The following PRORP variants were observed in gnomAD, a reference collection of about 807,000 sequenced individuals.
PRORP encodes protein only RNase P catalytic subunit.
Under a neutral mutation model 59.4 loss-of-function variants are expected in PRORP, and 51 were observed. The observed-to-expected ratio is 0.86, with a 90% CI of 0.69 to 1.08. The LOEUF (loss-of-function observed/expected upper bound fraction) is 1.08. Ranked by LOEUF, PRORP falls within the 50% of genes least tolerant of loss-of-function variation. The pLI, the probability that PRORP is intolerant of heterozygous loss-of-function variation, is 0.00. For missense variants in PRORP, 646 were observed against 690.3 expected, an observed-to-expected ratio of 0.94 and a Z score of 0.72; for synonymous variants, 231 against 245.6, an observed-to-expected ratio of 0.94 and a Z score of 0.55.
At chr14:35,206,991 A>G (rs1390654693) in intron 5 of PRORP, among the ~76,000 whole-genome samples, 1 of 152,198 alleles carries the variant, frequency 6.6e-6, no homozygotes, top group African/African-American at 2.4e-5. Context: ...TATTACATTC[A>G]GGGTTGTGAT....
chr14:35,127,630 A>G lies in PRORP; in HGVS notation c.1167+19A>G. 2 of 1,613,350 alleles carry G rather than the reference A, an allele frequency of 1.2e-6. No individual in the cohort carries two copies. The highest frequency in any genetic ancestry group is 1.7e-6 in the Non-Finnish European group (2 of 1,179,714). On this transcript the variant is annotated intron_variant, in intron 4 of 7. Coordinates refer to ENST00000534898, the MANE Select transcript of PRORP (RefSeq NM_014672.4). The stretch of plus-strand genomic sequence containing the variant: ...ACCTCAGGTGAGTCTAACAAGTTTT[A>G]TTTCTTCTTGGATTGCTTGTCTAGA...
At chr14:35,146,577 A>T (rs2047616422) in intron 4 of PRORP, among the ~76,000 whole-genome samples, 1 of 152,100 alleles carries the variant, frequency 6.6e-6, no homozygotes, top group Non-Finnish European at 1.5e-5. Flanking sequence ...TTTTCCCCAG[A>T]TTTAAATAAA....
chr14:35,167,982 C>CT (rs1399274158), intron 4 of PRORP, among the ~76,000 whole-genome samples: 1 of 152,178 alleles, frequency 6.6e-6, no homozygotes, highest in African/African-American at 2.4e-5. Context: ...AAGCAACTGG[C>CT]TTTAACACAT....
intron 5 of PRORP, among the ~76,000 whole-genome samples, chr14:35,193,871 G>C (rs2048945992): frequency 6.6e-6 from 1 of 152,136 alleles, no homozygotes; most frequent in Admixed American, 6.5e-5. Context: ...TCTGGCTTTA[G>C]AGGTAGAATG....
At position 35,266,859 on chromosome 14, in the gene PRORP, T is replaced by C; in HGVS notation, c.1408T>C (p.Phe470Leu). ...AGAGGTGCAAAAGCAAGCCAGCTGT[T>C]TTTTTGCTGATGACATGTAAGTGTT... ...MEEVQKQASC[F>L]FADDISEDDP... The change falls in exon 6 of 8, where the codon TTT becomes CTT. Residue 470 changes from phenylalanine to leucine, a missense_variant. Physicochemically the swap from Phe to Leu is conservative, Grantham distance 22 (BLOSUM62 0). Transcript: ENST00000534898. 2 of 1,614,186 alleles carry C rather than the reference T, an allele frequency of 1.2e-6. No homozygotes were observed. The highest frequency in any genetic ancestry group is 1.7e-6 in the Non-Finnish European group (2 of 1,180,020).
intron 5 of PRORP, among the ~76,000 whole-genome samples, chr14:35,212,734 GAC>G (rs2049482123): frequency 6.6e-6 from 1 of 152,178 alleles, no homozygotes; most frequent in Non-Finnish European, 1.5e-5. Context: ...AGGATTTTTG[GAC>G]TGGTGAGTGA....
At chr14:35,130,060 T>C (rs1441891468) in intron 4 of PRORP, among the ~76,000 whole-genome samples, 1 of 148,838 alleles carries the variant, frequency 6.7e-6, no homozygotes, top group East Asian at 2.0e-4. Context: ...AGACGGAGTC[T>C]CGCTCTGTTG....
intron 4 of PRORP, among the ~76,000 whole-genome samples, chr14:35,136,154 C>G (rs940843858): frequency 2.6e-5 from 4 of 151,968 alleles, no homozygotes; most frequent in Admixed American, 6.6e-5. Flanking sequence ...GAAGGACCAG[C>G]TCAGCTTTGA....
rs150068697 is a variant in PRORP, at chr14:35,230,728, G to C, written c.1276-35999G>C. ...CACAGAATAGGAATAGATGGTTATGGCAGATATTACCAATTAATTACAACA... is the reference window on the plus strand; with the variant it reads ...CACAGAATAGGAATAGATGGTTATGCCAGATATTACCAATTAATTACAACA... On this transcript the variant is annotated intron_variant, in intron 5 of 7. Transcript: ENST00000534898. Among the ~76,000 whole-genome samples the C allele has an allele frequency of 2.5e-3, 374 of 152,236 alleles. 2 individuals carry two copies. The highest frequency in any genetic ancestry group is 8.5e-3 in the African/African-American group (354 of 41,540).
At chr14:35,240,294 C>CTTTTTTTTTTTT (rs3058452) in intron 5 of PRORP, among the ~76,000 whole-genome samples, 1 of 109,430 alleles carries the variant, frequency 9.1e-6, no homozygotes. Context: ...TTTAAACCAT[C>CTTTTTTTTTTTT]TTTTTTTTTT....
At chr14:35,273,169 G>A (rs1017876960) in intron 7 of PRORP, among the ~76,000 whole-genome samples, 1 of 152,082 alleles carries the variant, frequency 6.6e-6, no homozygotes, top group Non-Finnish European at 1.5e-5. Context: ...AACTGATAGA[G>A]CCAACAAAAG....
At chr14:35,267,925 A>G (rs891506790) in intron 6 of PRORP, among the ~76,000 whole-genome samples, 1 of 152,206 alleles carries the variant, frequency 6.6e-6, no homozygotes, top group African/African-American at 2.4e-5. Context: ...ACCGCAATGC[A>G]GAGGACCTTG....
At chr14:35,174,215 C>CA (rs200654698) in intron 4 of PRORP, among the ~76,000 whole-genome samples, 1,520 of 98,124 alleles carry the variant, frequency 0.015, 13 homozygotes, top group Non-Finnish European at 0.021. Flanking sequence ...TTAAAACTAC[C>CA]AAACCTTCAA....
chr14:35,193,839 G>T (rs889840820), intron 5 of PRORP, among the ~76,000 whole-genome samples: 1 of 152,068 alleles, frequency 6.6e-6, no homozygotes, highest in African/African-American at 2.4e-5. Context: ...TGTTTCTCCC[G>T]TTTAAAGACT....
chr14:35,157,473 G>A (rs2047944868), intron 4 of PRORP, among the ~76,000 whole-genome samples: 1 of 152,178 alleles, frequency 6.6e-6, no homozygotes. Flanking sequence ...CCAAACCACA[G>A]CATTCATTGT....
At chr14:35,122,100 G>A (rs1282734065), upstream of PRORP, 3 of 786,524 alleles carry the variant, frequency 3.8e-6, no homozygotes, top group African/African-American at 3.5e-5. Context: ...CGGAAGTCTT[G>A]GCTAAAGAGG....
chr14:35,211,622 A>G (rs746536666), intron 5 of PRORP, among the ~76,000 whole-genome samples: 54 of 152,378 alleles, frequency 3.5e-4, no homozygotes, highest in Middle Eastern at 3.4e-3. Context: ...GTAGTCTATT[A>G]TGTATGCAAT....
intron 5 of PRORP, among the ~76,000 whole-genome samples, chr14:35,232,288 C>T (rs1002058155): frequency 6.6e-6 from 1 of 151,632 alleles, no homozygotes; most frequent in Non-Finnish European, 1.5e-5. Context: ...TTACTGCAGC[C>T]TCAGACTCCT....
chr14:35,242,382 G>C (rs1036883332), intron 5 of PRORP, among the ~76,000 whole-genome samples: 1 of 152,018 alleles, frequency 6.6e-6, no homozygotes, highest in African/African-American at 2.4e-5. Flanking sequence ...TTGGTCTTTG[G>C]GGTTACTGTA....
Sources: gnomAD v4.1 joint callset for allele counts (sites outside exome capture counted in the v4.1 genomes callset) on GRCh38, gnomAD v4.1.1 for gene constraint, MANE v1.5 for transcripts, NCBI Gene and HGNC (gene_info 2026-07-23, HGNC 2026-07-21) for gene names.